The following RBFOX1 variants were observed in gnomAD, a reference collection of about 807,000 sequenced individuals.
RBFOX1 encodes RNA binding protein fox-1 homolog 1.
In RBFOX1, 8 loss-of-function variants were observed where a neutral mutation model predicts 57.7. The ratio of observed to expected loss-of-function variants is 0.14; its 90% CI spans 0.08 to 0.25. The LOEUF is 0.25. RBFOX1 is among the 10% of genes least tolerant of loss of function. The pLI, the probability that RBFOX1 is intolerant of heterozygous loss-of-function variation, is 1.00. For missense variants in RBFOX1, 611 were observed against 548.5 expected (o/e 1.11, Z -1.14); for synonymous variants, 326 against 222.4 (o/e 1.47, Z -4.15).
At chr16:7,090,038 T>G (rs2060571212) in intron 4 of RBFOX1, among the ~76,000 whole-genome samples, 2 of 152,154 alleles carry the variant, frequency 1.3e-5, no homozygotes, top group Admixed American at 6.5e-5. Context: ...TTCTTCTTCT[T>G]CTTTTTTAAT....
chr16:7,438,562 C>T (rs752093630), intron 4 of RBFOX1, among the ~76,000 whole-genome samples: 1 of 152,214 alleles, frequency 6.6e-6, no homozygotes, highest in African/African-American at 2.4e-5. Context: ...ACTCCTCACT[C>T]ATTTGTAAAC....
At chr16:6,785,142 T>C (rs2081715058) in intron 3 of RBFOX1, among the ~76,000 whole-genome samples, 1 of 152,176 alleles carries the variant, frequency 6.6e-6, no homozygotes, top group African/African-American at 2.4e-5. Flanking sequence ...TATAGTGTTA[T>C]ATTTCATTTC....
intron 3 of RBFOX1, among the ~76,000 whole-genome samples, chr16:5,828,646 C>T (rs1330440643): frequency 6.6e-6 from 1 of 151,966 alleles, no homozygotes; most frequent in African/African-American, 2.4e-5. Context: ...TTGCAGTGAG[C>T]CGAGATCATG....
At chr16:7,000,722 A>G (rs1281159000) in intron 3 of RBFOX1, among the ~76,000 whole-genome samples, 1 of 147,334 alleles carries the variant, frequency 6.8e-6, no homozygotes, top group Non-Finnish European at 1.5e-5. Context: ...CTCCTGCCTC[A>G]GCCTCCCAAG....
intron 3 of RBFOX1, among the ~76,000 whole-genome samples, chr16:6,816,090 T>G (rs1468330252): frequency 6.6e-6 from 1 of 152,016 alleles, no homozygotes; most frequent in African/African-American, 2.4e-5. Context: ...GGAGGATTGC[T>G]TGAGCTGAGG....
chr16:6,365,375 G>T (rs1299324428), intron 2 of RBFOX1, among the ~76,000 whole-genome samples: 1 of 151,736 alleles, frequency 6.6e-6, no homozygotes, highest in Non-Finnish European at 1.5e-5. Flanking sequence ...TGAGTGGATG[G>T]GTGGATAGGT....
intron 1 of RBFOX1, among the ~76,000 whole-genome samples, chr16:5,422,198 A>G (rs2067350235): frequency 6.7e-6 from 1 of 150,244 alleles, no homozygotes; most frequent in Non-Finnish European, 1.5e-5. Flanking sequence ...GAGAGGGAGG[A>G]AGGAGAAAGG....
chr16:6,887,371 C>T (rs918056344), intron 3 of RBFOX1, among the ~76,000 whole-genome samples: 5 of 152,022 alleles, frequency 3.3e-5, no homozygotes, highest in African/African-American at 1.2e-4. Flanking sequence ...TTCTCCCTGG[C>T]CTTATGGGTT....
intron 13 of RBFOX1, among the ~76,000 whole-genome samples, chr16:7,674,424 C>T (rs2072626079): frequency 6.6e-6 from 1 of 152,174 alleles, no homozygotes; most frequent in African/African-American, 2.4e-5. Context: ...TTGGACAGCA[C>T]AGATATAGAA....
chr16:6,283,531 A>G (rs950487528), intron 1 of RBFOX1, among the ~76,000 whole-genome samples: 2 of 152,272 alleles, frequency 1.3e-5, no homozygotes, highest in East Asian at 1.9e-4. Flanking sequence ...CGTAGTATAC[A>G]TAGGTATTAC....
At chr16:6,591,419 A>C (rs150080334) in intron 2 of RBFOX1, among the ~76,000 whole-genome samples, 83 of 152,186 alleles carry the variant, frequency 5.5e-4, no homozygotes, top group African/African-American at 1.8e-3. Flanking sequence ...GTACTACTGC[A>C]CTCCAGTCTG....
At chr16:6,623,370 T>G (rs918224322) in intron 2 of RBFOX1, among the ~76,000 whole-genome samples, 17 of 151,952 alleles carry the variant, frequency 1.1e-4, no homozygotes, top group African/African-American at 4.1e-4. Context: ...AAATGACAGC[T>G]CAAGTGTTCT....
At chr16:6,552,723 TG>T (rs1567655505) in intron 2 of RBFOX1, among the ~76,000 whole-genome samples, 1 of 152,186 alleles carries the variant, frequency 6.6e-6, no homozygotes, top group Non-Finnish European at 1.5e-5. Flanking sequence ...CACATACATA[TG>T]TGTGTACATT....
At chr16:6,020,963 C>T (rs1320972802) in intron 1 of RBFOX1, among the ~76,000 whole-genome samples, 2 of 152,168 alleles carry the variant, frequency 1.3e-5, no homozygotes, top group Non-Finnish European at 2.9e-5. Flanking sequence ...GGTCAGGGGG[C>T]TGGGAGAGCT....
In RBFOX1 at chr16:6,912,987, A is replaced by G. The variant is rs180891938; in HGVS notation, c.-15-139070A>G. On this transcript the variant is annotated intron_variant, in intron 3 of 15. Transcript: ENST00000550418. Reference sequence around the variant, plus strand: ...TCTCACCTCATCTGGCTGTTACCCAACACTGTGCTTTATATTCTACTTCCT... The same window carrying G: ...TCTCACCTCATCTGGCTGTTACCCAGCACTGTGCTTTATATTCTACTTCCT... Among the ~76,000 whole-genome samples the G allele has an allele frequency of 1.1e-3, 165 of 151,988 alleles. 1 individual carries two copies. The highest frequency in any genetic ancestry group is 3.9e-3 in the African/African-American group (161 of 41,480).
intron 4 of RBFOX1, among the ~76,000 whole-genome samples, chr16:7,064,900 C>T (rs2055566742): frequency 6.6e-6 from 1 of 152,206 alleles, no homozygotes; most frequent in African/African-American, 2.4e-5. Flanking sequence ...GATACTCCCT[C>T]TGTATGTGCA....
At chr16:5,255,882 T>A (rs959984150) in intron 1 of RBFOX1, among the ~76,000 whole-genome samples, 2 of 152,012 alleles carry the variant, frequency 1.3e-5, no homozygotes, top group Admixed American at 6.6e-5. Context: ...GCTGCTTGGG[T>A]AAGTTACAGA....
At chr16:7,237,838 T>A (rs1603429362) in intron 4 of RBFOX1, among the ~76,000 whole-genome samples, 1 of 152,256 alleles carries the variant, frequency 6.6e-6, no homozygotes, top group East Asian at 1.9e-4. Flanking sequence ...AAAACTCAAC[T>A]ACTCAAAATA....
At chr16:6,849,147 C>G (rs1256849689) in intron 3 of RBFOX1, among the ~76,000 whole-genome samples, 1 of 152,118 alleles carries the variant, frequency 6.6e-6, no homozygotes, top group Admixed American at 6.6e-5. Flanking sequence ...GAGAGTGAAA[C>G]AAAGGAACCA....
Sources: gnomAD v4.1 joint callset for allele counts (sites outside exome capture counted in the v4.1 genomes callset) on GRCh38, gnomAD v4.1.1 for gene constraint, MANE v1.5 for transcripts, NCBI Gene and HGNC (gene_info 2026-07-23, HGNC 2026-07-21) for gene names.